The following HFM1 variants were observed in gnomAD, a reference collection of about 807,000 sequenced individuals.
HFM1 encodes probable ATP-dependent DNA helicase HFM1.
In HFM1, 169 loss-of-function variants were observed where a neutral mutation model predicts 192.1. That is an observed-to-expected ratio of 0.88 (90% CI 0.78 to 1.00). The LOEUF is 1.00. Among genes scored for constraint, HFM1 ranks in the 50% least tolerant of loss-of-function variants. HFM1 has a pLI of 0.00. For synonymous variants in HFM1, 525 were observed against 537.8 expected (o/e 0.98, Z 0.33); for missense variants, 1,661 against 1,668.0 (o/e 1.00, Z 0.07).
At chr1:91,261,434 A>T in intron 38 of HFM1, 75 bp from the exon 39 acceptor site, 1 of 594,246 alleles carries the variant, frequency 1.7e-6, no homozygotes, top group Non-Finnish European at 2.6e-6. Flanking sequence ...TAAATAATGT[A>T]ATACTAAACA....
intron 30 of HFM1, among the ~76,000 whole-genome samples, chr1:91,310,406 T>A (rs1384359598): frequency 3.3e-5 from 5 of 152,218 alleles, no homozygotes; most frequent in South Asian, 2.1e-4. Flanking sequence ...TTGTATATGT[T>A]TGAAAAATTC....
intron 30 of HFM1, among the ~76,000 whole-genome samples, chr1:91,287,400 G>C (rs9660268): frequency 0.33 from 50,037 of 151,304 alleles, 8,907 homozygotes; most frequent in East Asian, 0.68. Context: ...AGCAGGGGCA[G>C]ACTGACACCT....
At chr1:91,286,018 G>C (rs1444123819) in intron 30 of HFM1, among the ~76,000 whole-genome samples, 1 of 152,164 alleles carries the variant, frequency 6.6e-6, no homozygotes. Flanking sequence ...CACAAGAGTA[G>C]CAATGCTGGC....
In HFM1 at chr1:91,260,826, A is replaced by C. The variant is rs902441033; in HGVS notation, c.*464T>G. The C allele has an allele frequency of 1.3e-5, 2 of 152,240 alleles. No individual in the cohort carries two copies. Among genetic ancestry groups the C allele is most frequent in the Non-Finnish European group, 2.9e-5 (2 of 68,046 alleles). The allele number at this position is 152,240 out of a possible 1,614,324, so 9.4% of individuals were successfully genotyped here. A position where few individuals can be genotyped will look rare whatever the true frequency, so the allele number is the denominator to read the frequency against. Reference sequence around the variant, plus strand: ...TAGATAACAGTAGGTTCAAATAGCCACTGGATTCTTAAAAATCTTTAGTAA... The same window carrying C: ...TAGATAACAGTAGGTTCAAATAGCCCCTGGATTCTTAAAAATCTTTAGTAA... On this transcript the variant is annotated 3_prime_UTR_variant, in exon 39 of 39. Transcript: ENST00000370425.
chr1:91,372,388 C>G (rs1660340294), intron 13 of HFM1, among the ~76,000 whole-genome samples: 1 of 152,160 alleles, frequency 6.6e-6, no homozygotes. Context: ...CACATGTACA[C>G]CATGGAATAC....
Position 91,316,187 on chromosome 1 carries a change from A to G in HFM1, c.2899-3T>C. 1 of 1,506,844 alleles carries G rather than the reference A, an allele frequency of 6.6e-7. No individual in the cohort carries two copies. The highest frequency in any genetic ancestry group is 9.1e-7 in the Non-Finnish European group (1 of 1,100,128). 93.3% of individuals were successfully genotyped at this position (1,506,844 alleles called of 1,614,324 possible). On this transcript the variant is annotated splice_polypyrimidine_tract_variant and splice_region_variant and intron_variant, in intron 26 of 38. Transcript: ENST00000370425. ...AAGGGGGGATGTCTGTTTAAAATCT[A>G]AAAATATTTACATCATTATATTCTT... is the stretch of plus-strand genomic sequence containing the variant.
intron 30 of HFM1, among the ~76,000 whole-genome samples, chr1:91,278,314 T>C (rs939735773): frequency 5.3e-5 from 8 of 152,170 alleles, no homozygotes; most frequent in African/African-American, 1.7e-4. Flanking sequence ...TAATTTATTA[T>C]ATTTTAAATC....
At chr1:91,267,288 T>A (rs1269350974) in intron 35 of HFM1, among the ~76,000 whole-genome samples, 1 of 152,166 alleles carries the variant, frequency 6.6e-6, no homozygotes, top group Admixed American at 6.5e-5. Flanking sequence ...TTAACTTATT[T>A]ATTTACTTCA....
At chr1:91,277,728 T>A (rs1667017246) in intron 30 of HFM1, among the ~76,000 whole-genome samples, 1 of 122,668 alleles carries the variant, frequency 8.2e-6, no homozygotes, top group Admixed American at 1.0e-4. Flanking sequence ...TAATATATAC[T>A]AATATATATA....
Position 91,351,565 on chromosome 1 carries a change from C to A in HFM1, c.2056G>T (p.Asp686Tyr). The A allele has an allele frequency of 6.3e-7, 1 of 1,579,236 alleles. No homozygotes were observed. The highest frequency in any genetic ancestry group is 1.1e-5 in the South Asian group (1 of 88,298). ...DKYIQMLACR[D>Y]TVESSLHRHL... ...TTATACTACCTGCTTTCTACAGTGT[C>A]TCTACAAGCTAACATCTGAATGTAC... The change falls in exon 17 of 39, where the codon GAC (aspartate) becomes TAC (tyrosine). Residue 686 changes from aspartate (D) to tyrosine (Y), a missense_variant. Physicochemically the swap from Asp to Tyr is radical, Grantham distance 160 (BLOSUM62 -3). Coordinates refer to ENST00000370425, the MANE Select transcript of HFM1 (RefSeq NM_001017975.6).
intron 30 of HFM1, among the ~76,000 whole-genome samples, chr1:91,297,932 C>T (rs1029130624): frequency 6.6e-6 from 1 of 152,206 alleles, no homozygotes; most frequent in Non-Finnish European, 1.5e-5. Flanking sequence ...CGGAACAAAG[C>T]TGGACGGAGA....
At chr1:91,341,628 AAT>A (rs1263850346) in intron 20 of HFM1, among the ~76,000 whole-genome samples, 1 of 152,168 alleles carries the variant, frequency 6.6e-6, no homozygotes, top group Non-Finnish European at 1.5e-5. Flanking sequence ...GAACCACACA[AAT>A]GATCAACAAA....
chr1:91,379,714 A>G (rs993758117), intron 8 of HFM1, among the ~76,000 whole-genome samples: 2 of 152,166 alleles, frequency 1.3e-5, no homozygotes, highest in Non-Finnish European at 2.9e-5. Flanking sequence ...ATTGCTTTTC[A>G]CTATAAGGCC....
At chr1:91,286,738 T>A (rs1041752917) in intron 30 of HFM1, among the ~76,000 whole-genome samples, 10 of 152,186 alleles carry the variant, frequency 6.6e-5, no homozygotes, top group African/African-American at 2.4e-4. Context: ...TGCATTTCCA[T>A]CTGAGGTACC....
intron 6 of HFM1, among the ~76,000 whole-genome samples, chr1:91,381,359 C>G (rs1434406688): frequency 1.3e-5 from 2 of 152,136 alleles, no homozygotes; most frequent in African/African-American, 4.8e-5. Flanking sequence ...TTTATCTCTT[C>G]TTTAATGTAC....
At chr1:91,295,189 G>A (rs373650265) in intron 30 of HFM1, among the ~76,000 whole-genome samples, 21 of 152,162 alleles carry the variant, frequency 1.4e-4, no homozygotes, top group Admixed American at 8.5e-4. Context: ...CTGTTTAATT[G>A]AGTACCCATT....
At chr1:91,289,752 C>T (rs1473646781) in intron 30 of HFM1, among the ~76,000 whole-genome samples, 3 of 152,078 alleles carry the variant, frequency 2.0e-5, no homozygotes, top group Non-Finnish European at 2.9e-5. Flanking sequence ...CCCAGGCACT[C>T]GGCAGGCTGA....
chr1:91,337,824 C>T (rs1431326151), intron 20 of HFM1, among the ~76,000 whole-genome samples: 1 of 152,226 alleles, frequency 6.6e-6, no homozygotes, highest in South Asian at 2.1e-4. Context: ...CATGTCAGCA[C>T]ACTTAACTCA....
chr1:91,372,982 T>C (rs778714505), intron 13 of HFM1, among the ~76,000 whole-genome samples: 5 of 152,152 alleles, frequency 3.3e-5, no homozygotes, highest in Non-Finnish European at 7.3e-5. Flanking sequence ...CTACTCTACA[T>C]GCTTCACACC....
Sources: allele counts gnomAD v4.1 joint callset (sites outside exome capture counted in the v4.1 genomes callset), GRCh38; gene constraint gnomAD v4.1.1; transcripts MANE v1.5; gene names NCBI Gene and HGNC (gene_info 2026-07-23, HGNC 2026-07-21).